EXOSC10: variants seen among roughly 807,000 people sequenced by gnomAD.
EXOSC10 encodes exosome component 10.
A neutral mutation model predicts 126.6 loss-of-function variants in EXOSC10; 94 were observed. The ratio of observed to expected loss-of-function variants is 0.74; its 90% CI spans 0.63 to 0.88. The LOEUF (loss-of-function observed/expected upper bound fraction) is 0.88, where lower values mean the gene tolerates loss of function less well. EXOSC10 is among the 40% of genes least tolerant of loss of function. The pLI, the probability that EXOSC10 is intolerant of heterozygous loss-of-function variation, is 0.00. For missense variants in EXOSC10, 1,041 were observed against 1,100.5 expected (o/e 0.95, Z 0.77); for synonymous variants, 395 against 400.8 (o/e 0.99, Z 0.17).
intron 3 of EXOSC10, among the ~76,000 whole-genome samples, chr1:11,092,886 A>C (rs1430603428): frequency 6.6e-6 from 1 of 152,186 alleles, no homozygotes; most frequent in African/African-American, 2.4e-5. Flanking sequence ...AATATTCAAC[A>C]CTGTATTATA....
At position 11,079,788 on chromosome 1, in the gene EXOSC10, C is replaced by A. The variant is rs1640043998; in HGVS notation, c.1672G>T (p.Val558Leu). The A allele has an allele frequency of 2.5e-6, 4 of 1,613,712 alleles. No homozygotes were observed. The highest frequency in any genetic ancestry group is 3.4e-6 in the Non-Finnish European group (4 of 1,179,854). The change falls in exon 14 of 25, where the codon GTA (valine) becomes TTA (leucine). Residue 558 changes from valine (V) to leucine (L), a missense_variant. By Grantham distance (32) the Val-to-Leu change is conservative (BLOSUM62 1). This residue lies in a region of EXOSC10 where 388 missense variants were observed against 415.2 expected (regional missense o/e 0.93). Transcript: ENST00000376936. ...PQGIIACCNPVPPLVRQQINE... is the reference protein window; with the variant it reads ...PQGIIACCNPLPPLVRQQINE... ...ATCTGCTGCCGCACAAGGGGCGGTA[C>A]TGGGTTGCAGCAAGCTATGATGCCC...
chr1:11,097,217 A>G lies in EXOSC10; in HGVS notation c.248+803T>C, dbSNP rs532019739. 5.3e-5 allele frequency among the ~76,000 whole-genome samples: 8 copies of G among 151,258 alleles called. No homozygotes were observed. In the South Asian group the frequency reaches 1.7e-3, roughly 32 times the overall value. ...AGAGCAAGACTCCGTACTCCCCCCC[A>G]ACAAAAAAAAAAAAGCTGGTCGTGG... On this transcript the variant is annotated intron_variant, in intron 2 of 24. Transcript: ENST00000376936.
Position 11,097,657 on chromosome 1 carries a change from C to T in EXOSC10, c.248+363G>A, listed in dbSNP as rs186543650. 1.7e-3 allele frequency among the ~76,000 whole-genome samples: 258 copies of T among 151,430 alleles called. 2 individuals are homozygous for T. The highest frequency in any genetic ancestry group is 3.0e-3 in the Non-Finnish European group (204 of 67,898). On this transcript the variant is annotated intron_variant, in intron 2 of 24. Transcript: ENST00000376936. Reference sequence around the variant, plus strand: ...AGGAGAATAGCGTGAACCTGGGAGGCGGAGCTTGCAGTGAGCCGAGATCAT... The same window carrying T: ...AGGAGAATAGCGTGAACCTGGGAGGTGGAGCTTGCAGTGAGCCGAGATCAT...
intron 9 of EXOSC10, 106 bp from the exon 10 acceptor site, chr1:11,082,984 T>C: frequency 1.1e-6 from 1 of 898,330 alleles, no homozygotes; most frequent in Admixed American, 2.0e-5. Context: ...GAAGGTAGTC[T>C]CCGCTGTCCC....
Position 11,072,581 on chromosome 1 carries a change from G to A in EXOSC10, c.2158-410C>T, listed in dbSNP as rs2791648. The A allele has an allele frequency of 1.1e-3, 181 of 172,252 alleles. 2 individuals are homozygous for A. The highest frequency in any genetic ancestry group is 5.0e-3 in the South Asian group (37 of 7,468). The allele number at this position is 172,252 out of a possible 1,614,324, so 10.7% of individuals were successfully genotyped here. ...GCTGTGTTTCTTTATGACACCCCAC[G>A]GACCTATGGCGTTACAACACATGGA... On this transcript the variant is annotated intron_variant, in intron 19 of 24. Coordinates refer to ENST00000376936, the MANE Select transcript of EXOSC10 (RefSeq NM_001001998.3).
At position 11,071,837 on chromosome 1, in the gene EXOSC10, C is replaced by T. The variant is rs561571939; in HGVS notation, c.2242+250G>A. 482 of 449,992 alleles carry T rather than the reference C, an allele frequency of 1.1e-3. 2 individuals are homozygous for T. The highest frequency in any genetic ancestry group is 8.9e-3 in the African/African-American group (450 of 50,484). The allele number at this position is 449,992 out of a possible 1,614,324, so 27.9% of individuals were successfully genotyped here. Reference sequence around the variant, plus strand: ...AGGTCACTGCAGGTCTCGTCAATGTCGCATTCATTAGACTGCCTTCTCCAA... The same window carrying T: ...AGGTCACTGCAGGTCTCGTCAATGTTGCATTCATTAGACTGCCTTCTCCAA... On this transcript the variant is annotated intron_variant, in intron 20 of 24. Coordinates refer to ENST00000376936, the MANE Select transcript of EXOSC10 (RefSeq NM_001001998.3).
chr1:11,078,973 T>C (rs896152158), intron 14 of EXOSC10, among the ~76,000 whole-genome samples: 1 of 152,148 alleles, frequency 6.6e-6, no homozygotes, highest in Non-Finnish European at 1.5e-5. Flanking sequence ...CCTAGGGTTG[T>C]TTAGAATGCA....
chr1:11,084,264 T>C (rs1640362151), intron 9 of EXOSC10, among the ~76,000 whole-genome samples: 2 of 152,324 alleles, frequency 1.3e-5, no homozygotes, highest in African/African-American at 4.8e-5. Context: ...AGTGTTCCTA[T>C]TTCTCCACAT....
At position 11,069,657 on chromosome 1, in the gene EXOSC10, TTCTTC is replaced by T. The variant is rs765409707; in HGVS notation, c.2385_2389del (p.Lys796ThrfsTer44). 12 of 1,610,386 alleles carry T rather than the reference TTCTTC, an allele frequency of 7.5e-6. No homozygotes were observed. In the Admixed American group the frequency reaches 1.0e-4, roughly 13 times the overall value. ...TGGCTTCTTGGAAATTTTGAGTCGT[TTCTTC>T]TCTTGTTTCTGTTCTGTGGTCCTTG... On this transcript the variant is annotated frameshift_variant, in exon 22 of 25. Coordinates refer to ENST00000376936, the MANE Select transcript of EXOSC10 (RefSeq NM_001001998.3). LOFTEE classifies it high-confidence loss of function.
chr1:11,091,526 G>C lies in EXOSC10; in HGVS notation c.444C>G (p.Val148=). The change falls in exon 4 of 25, where the codon GTC becomes GTG. Residue 148 remains valine, a synonymous_variant. Transcript: ENST00000376936. ...TCCAGCTGGACACTACCGTTTTGGGGACCTGCAAGCCGGCAGGGAGGACAG... is the reference window on the plus strand; with the variant it reads ...TCCAGCTGGACACTACCGTTTTGGGCACCTGCAAGCCGGCAGGGAGGACAG... The part of the protein sequence containing the change: ...QQPVLPAGLQ[V]PKTVVSSWNR... 6.2e-7 allele frequency: 1 copy of C among 1,614,132 alleles called. No homozygotes were observed. The highest frequency in any genetic ancestry group is 8.5e-7 in the Non-Finnish European group (1 of 1,180,014).
At chr1:11,093,262 A>G (rs1430193485) in intron 3 of EXOSC10, among the ~76,000 whole-genome samples, 1 of 152,208 alleles carries the variant, frequency 6.6e-6, no homozygotes, top group East Asian at 1.9e-4. Flanking sequence ...TAATGTGGCC[A>G]CTAAAATAAC....
intron 23 of EXOSC10, 85 bp downstream of exon 23, chr1:11,068,560 C>T: frequency 2.0e-6 from 2 of 1,019,612 alleles, no homozygotes; most frequent in South Asian, 2.5e-5. Flanking sequence ...GAATGGACTC[C>T]TGGATGGGCC....
rs1420353068 is a variant in EXOSC10 at position 11,087,501 on chromosome 1, G to A, written c.1036C>T (p.Arg346Ter). The A allele has an allele frequency of 1.9e-6, 3 of 1,614,024 alleles. No individual in the cohort carries two copies. Among genetic ancestry groups the A allele is most frequent in the South Asian group, 1.1e-5 (1 of 91,074 alleles). The change falls in exon 9 of 25, where the codon CGA becomes TGA. Residue 346 changes from arginine (R) to a stop codon, truncating the protein, a stop_gained. Coordinates refer to ENST00000376936, the MANE Select transcript of EXOSC10 (RefSeq NM_001001998.3). LOFTEE classifies it high-confidence loss of function. The stretch of plus-strand genomic sequence containing the variant: ...TCATTGAGAATGTACATGTCACTTC[G>A]AAGCTCGAGGGTGTCAATGATGAAG... ...EDFIIDTLEL[R>*]SDMYILNESL...
At chr1:11,096,015 G>GCT in intron 2 of EXOSC10, 134 bp from the exon 3 acceptor site, 1 of 992,500 alleles carries the variant, frequency 1.0e-6, no homozygotes, top group Non-Finnish European at 1.4e-6. Flanking sequence ...AGACAGTCTT[G>GCT]CTCTGTTGCC....
intron 9 of EXOSC10, among the ~76,000 whole-genome samples, chr1:11,084,528 T>C (rs1294598956): frequency 6.6e-6 from 1 of 152,222 alleles, no homozygotes; most frequent in Non-Finnish European, 1.5e-5. Flanking sequence ...AAATTAGCCC[T>C]TTGTCAGATG....
chr1:11,067,072 G>A (rs934145535), intron 24 of EXOSC10, among the ~76,000 whole-genome samples: 2 of 152,204 alleles, frequency 1.3e-5, no homozygotes, highest in Non-Finnish European at 2.9e-5. Flanking sequence ...CAAGGCGGGA[G>A]GATCAATTGA....
chr1:11,067,142 C>A (rs748237792), intron 24 of EXOSC10, among the ~76,000 whole-genome samples: 1 of 152,036 alleles, frequency 6.6e-6, no homozygotes, highest in Non-Finnish European at 1.5e-5. Context: ...ACTAAAAATA[C>A]AAAAACAGGC....
At chr1:11,083,099 C>T (rs1343732183) in intron 9 of EXOSC10, among the ~76,000 whole-genome samples, 1 of 152,142 alleles carries the variant, frequency 6.6e-6, no homozygotes, top group East Asian at 1.9e-4. Context: ...TACAGCGTGC[C>T]ACCACGCCCA....
intron 2 of EXOSC10, among the ~76,000 whole-genome samples, chr1:11,096,476 T>TTTTC (rs1476410349): frequency 8.8e-5 from 13 of 147,290 alleles, no homozygotes; most frequent in African/African-American, 3.3e-4. Flanking sequence ...TCTTTCTTTT[T>TTTTC]TTTTTTTTTT....
Sources: gnomAD v4.1 joint callset for allele counts (sites outside exome capture counted in the v4.1 genomes callset) on GRCh38, gnomAD v4.1.1 for gene constraint, gnomAD v4.1.1 regional missense constraint, MANE v1.5 for transcripts, NCBI Gene and HGNC (gene_info 2026-07-23, HGNC 2026-07-21) for gene names.